Variants in SDK1 observed in about 807,000 individuals in gnomAD.
SDK1 encodes protein sidekick-1.
Under a neutral mutation model 245.5 loss-of-function variants are expected in SDK1, and 157 were observed. That is an observed-to-expected ratio of 0.64 (90% CI 0.56 to 0.73). The LOEUF (loss-of-function observed/expected upper bound fraction) is 0.73. Ranked by LOEUF, SDK1 falls within the 30% of genes least tolerant of loss-of-function variation. The pLI is 0.00. For missense variants in SDK1, 3,583 were observed against 3,002.3 expected, an observed-to-expected ratio of 1.19 and a Z score of -4.52; for synonymous variants, 1,647 against 1,278.5, an observed-to-expected ratio of 1.29 and a Z score of -6.15.
chr7:4,078,106 A>C (rs1332850179), intron 21 of SDK1, among the ~76,000 whole-genome samples: 1 of 152,128 alleles, frequency 6.6e-6, no homozygotes, highest in African/African-American at 2.4e-5. Context: ...GGAGTGTTAG[A>C]GGGGAAACTG....
At chr7:3,926,454 A>G (rs143652397) in intron 5 of SDK1, among the ~76,000 whole-genome samples, 112 of 152,280 alleles carry the variant, frequency 7.4e-4, no homozygotes, top group African/African-American at 2.5e-3. Context: ...GTGAAACGTC[A>G]TGAAATTGTT....
At chr7:3,439,399 C>T (rs936818741) in intron 1 of SDK1, among the ~76,000 whole-genome samples, 7 of 152,142 alleles carry the variant, frequency 4.6e-5, no homozygotes, top group Admixed American at 2.0e-4. Flanking sequence ...ACTACTGTTG[C>T]GCTCCTTACA....
At chr7:3,636,325 C>T (rs1782456233) in intron 2 of SDK1, among the ~76,000 whole-genome samples, 1 of 152,212 alleles carries the variant, frequency 6.6e-6, no homozygotes, top group Non-Finnish European at 1.5e-5. Context: ...ACTCACTCAT[C>T]TCATATGGCT....
chr7:3,898,546 G>A (rs901622779), intron 5 of SDK1, among the ~76,000 whole-genome samples: 1 of 152,034 alleles, frequency 6.6e-6, no homozygotes, highest in African/African-American at 2.4e-5. Flanking sequence ...TCGGTACATT[G>A]CAAATATTTT....
intron 1 of SDK1, among the ~76,000 whole-genome samples, chr7:3,347,440 T>A (rs1237575266): frequency 2.6e-5 from 4 of 152,166 alleles, no homozygotes; most frequent in Non-Finnish European, 5.9e-5. Flanking sequence ...CCTGATGAAG[T>A]TGGAACAAAA....
chr7:3,772,282 G>T (rs1212620931), intron 4 of SDK1, among the ~76,000 whole-genome samples: 7 of 148,766 alleles, frequency 4.7e-5, no homozygotes, highest in African/African-American at 1.5e-4. Context: ...TGTTTTTCTT[G>T]TAGTTACTAT....
chr7:4,168,960 G>A (rs868407763), intron 32 of SDK1, among the ~76,000 whole-genome samples: 3 of 152,320 alleles, frequency 2.0e-5, no homozygotes, highest in East Asian at 1.9e-4. Flanking sequence ...CAGCAGGACC[G>A]CCTGGGACCA....
intron 4 of SDK1, among the ~76,000 whole-genome samples, chr7:3,757,007 T>G (rs1016332095): frequency 2.6e-5 from 4 of 152,180 alleles, no homozygotes; most frequent in Non-Finnish European, 5.9e-5. Context: ...AAAGGTTTTC[T>G]TTTCTCACCA....
chr7:3,780,237 G>A (rs562135566), intron 4 of SDK1, among the ~76,000 whole-genome samples: 17 of 152,306 alleles, frequency 1.1e-4, no homozygotes, highest in African/African-American at 4.1e-4. Context: ...GGATTTCCCT[G>A]GACCAACAGT....
intron 1 of SDK1, among the ~76,000 whole-genome samples, chr7:3,435,841 A>G (rs1480760728): frequency 6.6e-6 from 1 of 151,912 alleles, no homozygotes; most frequent in Non-Finnish European, 1.5e-5. Flanking sequence ...ATGATTACTT[A>G]CTCTCAAACT....
intron 1 of SDK1, among the ~76,000 whole-genome samples, chr7:3,459,380 T>C (rs1314626428): frequency 6.6e-6 from 1 of 152,200 alleles, no homozygotes; most frequent in Non-Finnish European, 1.5e-5. Flanking sequence ...TGTTTATGTA[T>C]TAGTTTTTAA....
chr7:3,879,249 A>G (rs1440047025), intron 5 of SDK1, among the ~76,000 whole-genome samples: 1 of 152,190 alleles, frequency 6.6e-6, no homozygotes, highest in African/African-American at 2.4e-5. Flanking sequence ...TGTGATTAGG[A>G]TGACACCACT....
At chr7:3,912,992 C>G (rs571270628) in intron 5 of SDK1, among the ~76,000 whole-genome samples, 45 of 152,372 alleles carry the variant, frequency 3.0e-4, no homozygotes, top group African/African-American at 1.1e-3. Flanking sequence ...GGATCAGGCT[C>G]TTGTTTTTCT....
chr7:3,921,437 A>G (rs1242580653), intron 5 of SDK1, among the ~76,000 whole-genome samples: 3 of 152,224 alleles, frequency 2.0e-5, no homozygotes, highest in Non-Finnish European at 4.4e-5. Flanking sequence ...TTGTAGCTAC[A>G]TATATGCAAA....
intron 4 of SDK1, among the ~76,000 whole-genome samples, chr7:3,803,285 TTTTCTTTTCTTTTCTTTCTTTC>T (rs1441500131): frequency 1.3e-5 from 2 of 150,302 alleles, no homozygotes; most frequent in Admixed American, 6.7e-5. Flanking sequence ...GCCCATTTTC[TTTTCTTTTCTTTTCTTTCTTTC>T]TTTCTTTCTT....
At chr7:4,168,857 C>A (rs773509886) in intron 32 of SDK1, among the ~76,000 whole-genome samples, 1 of 152,130 alleles carries the variant, frequency 6.6e-6, no homozygotes, top group Non-Finnish European at 1.5e-5. Flanking sequence ...CAGTCCAGAG[C>A]CCAGAAATGG....
At chr7:3,929,229 T>C (rs116618412) in intron 5 of SDK1, among the ~76,000 whole-genome samples, 1 of 152,198 alleles carries the variant, frequency 6.6e-6, no homozygotes, top group Non-Finnish European at 1.5e-5. Flanking sequence ...GCCGCCAAAT[T>C]CCGTCACTGA....
At chr7:3,903,508 T>C (rs1781863475) in intron 5 of SDK1, among the ~76,000 whole-genome samples, 1 of 152,104 alleles carries the variant, frequency 6.6e-6, no homozygotes. Flanking sequence ...TTTTAACCCT[T>C]ATACATTGTT....
rs774949133 is a variant in SDK1, at chr7:4,130,016, G to C, written c.4048G>C (p.Glu1350Gln). ...LAGLRKFVLY[E>Q]LQVLAFTRIG... is the part of the protein sequence containing the mutation. ...AGGCCTGCGCAAGTTCGTGCTCTAC[G>C]AGCTCCAGGTGCTGGCGTTCACCCG... The change falls in exon 27 of 45, where the codon GAG (glutamate) becomes CAG (glutamine). Residue 1350 changes from glutamate (E) to glutamine (Q), a missense_variant. By Grantham distance (29) the Glu-to-Gln change is conservative (BLOSUM62 2). Coordinates refer to ENST00000404826, the MANE Select transcript of SDK1 (RefSeq NM_152744.4). The C allele has an allele frequency of 3.7e-6, 6 of 1,613,552 alleles. No individual in the cohort carries two copies. The Admixed American group carries it at 1.0e-4, about 27-fold the overall frequency.
Sources: gnomAD v4.1 joint callset for allele counts (sites outside exome capture counted in the v4.1 genomes callset) on GRCh38, gnomAD v4.1.1 for gene constraint, MANE v1.5 for transcripts, NCBI Gene and HGNC (gene_info 2026-07-23, HGNC 2026-07-21) for gene names.